Variants in SMIM36 observed in about 807,000 individuals in gnomAD.
SMIM36 encodes small integral membrane protein 36.
intron 4 of SMIM36, among the ~76,000 whole-genome samples, chr17:55,453,439 T>C (rs189327302): frequency 1.6e-4 from 24 of 152,326 alleles, no homozygotes; most frequent in East Asian, 1.9e-4. Context: ...AATCATCCCA[T>C]AGGTTTCTTG....
chr17:55,492,949 C>G (rs1270427924), intron 1 of SMIM36, among the ~76,000 whole-genome samples: 1 of 152,190 alleles, frequency 6.6e-6, no homozygotes, highest in Admixed American at 6.5e-5. Context: ...TACGTTCTTT[C>G]TAAAGAGTGC....
rs1489171887 is a variant in SMIM36, at chr17:55,501,149, T to TTTATA, written c.*174+9725_*174+9729dup. Among the ~76,000 whole-genome samples the TTTATA allele has an allele frequency of 3.1e-4, 8 of 26,160 alleles. 1 individual carries two copies. Among genetic ancestry groups the TTTATA allele is most frequent in the Non-Finnish European group, 7.4e-4 (6 of 8,162 alleles). The allele number at this position is 26,160 out of a possible 152,430, so 17.2% of individuals were successfully genotyped here. On this transcript the variant is annotated intron_variant, in intron 1 of 4. Coordinates refer to ENST00000636752, the Ensembl canonical transcript of SMIM36. Reference sequence around the variant, plus strand: ...TTATAATATATAATATATCTTATATTTTATAATATATAATATATCTTATAT... The same window carrying TTTATA: ...TTATAATATATAATATATCTTATATTTTATATTATAATATATAATATATCTTATAT...
the SMIM36 span, among the ~76,000 whole-genome samples, chr17:55,529,039 A>T: frequency 1.3e-5 from 2 of 151,984 alleles, no homozygotes; most frequent in Admixed American, 6.6e-5. Context: ...TATATTAGTG[A>T]CCTCATATTT....
chr17:55,460,685 T>C (rs1389243709), intron 4 of SMIM36, among the ~76,000 whole-genome samples: 1 of 151,820 alleles, frequency 6.6e-6, no homozygotes, highest in African/African-American at 2.4e-5. Context: ...GTGAAACCCA[T>C]CTCTACTAAA....
the SMIM36 span, among the ~76,000 whole-genome samples, chr17:55,518,903 T>C: frequency 6.6e-6 from 1 of 152,008 alleles, no homozygotes; most frequent in East Asian, 1.9e-4. Flanking sequence ...GTAGGGACAA[T>C]GCTTCCATTT....
At chr17:55,455,722 G>C (rs967638248) in intron 4 of SMIM36, among the ~76,000 whole-genome samples, 2 of 152,236 alleles carry the variant, frequency 1.3e-5, no homozygotes, top group South Asian at 2.1e-4. Context: ...GAATTCGGGA[G>C]GTTCGGGCTG....
chr17:55,490,866 G>C (rs1462033692), intron 1 of SMIM36, among the ~76,000 whole-genome samples: 1 of 147,388 alleles, frequency 6.8e-6, no homozygotes, highest in South Asian at 2.3e-4. Context: ...GTGGGTAATG[G>C]GATTATGGGT....
chr17:55,511,342 C>G (rs1910179379), exon 1 of SMIM36: 1 of 398,410 alleles, frequency 2.5e-6, no homozygotes, highest in South Asian at 1.3e-4. Context: ...CATCACTTCT[C>G]CCACGGTGGA....
chr17:55,513,079 A>G (rs909115560), upstream of SMIM36, among the ~76,000 whole-genome samples: 3 of 152,204 alleles, frequency 2.0e-5, no homozygotes, highest in African/African-American at 2.4e-5. Flanking sequence ...AACACCATAG[A>G]TTTAGGGTCA....
At chr17:55,483,113 T>C (rs1909546681) in intron 1 of SMIM36, among the ~76,000 whole-genome samples, 1 of 152,260 alleles carries the variant, frequency 6.6e-6, no homozygotes, top group Non-Finnish European at 1.5e-5. Flanking sequence ...TGAACTAATG[T>C]GAGTTCCTCA....
At chr17:55,496,414 C>A (rs913120899) in intron 1 of SMIM36, among the ~76,000 whole-genome samples, 2 of 152,070 alleles carry the variant, frequency 1.3e-5, no homozygotes, top group Non-Finnish European at 2.9e-5. Flanking sequence ...AAAAAATATG[C>A]GCAGACAACT....
intron 1 of SMIM36, among the ~76,000 whole-genome samples, chr17:55,484,569 C>CA (rs1200623705): frequency 6.6e-6 from 1 of 152,152 alleles, no homozygotes; most frequent in Admixed American, 6.6e-5. Context: ...ATATTTGCAG[C>CA]AAACAGAACC....
intron 4 of SMIM36, among the ~76,000 whole-genome samples, chr17:55,455,981 G>A (rs1008939604): frequency 2.6e-5 from 4 of 151,420 alleles, no homozygotes; most frequent in Non-Finnish European, 5.9e-5. Context: ...AGCTGAGTGT[G>A]GTAGGACGCA....
the SMIM36 span, among the ~76,000 whole-genome samples, chr17:55,523,403 AC>A: frequency 6.6e-6 from 1 of 151,864 alleles, no homozygotes; most frequent in Non-Finnish European, 1.5e-5. Flanking sequence ...GGTGGCACGC[AC>A]CTGTAGTCCC....
At chr17:55,464,497 TA>T (rs76557608) in intron 4 of SMIM36, among the ~76,000 whole-genome samples, 2,052 of 144,552 alleles carry the variant, frequency 0.014, 23 homozygotes, top group Non-Finnish European at 0.017. Flanking sequence ...AAAACAAAAT[TA>T]AAAAAAAAAA....
intron 4 of SMIM36, among the ~76,000 whole-genome samples, chr17:55,460,441 A>AAAAAC (rs1438320967): frequency 1.7e-4 from 14 of 84,266 alleles, no homozygotes; most frequent in African/African-American, 6.8e-4. Flanking sequence ...AACAAAAAAC[A>AAAAAC]AAAAACAAAA....
At position 55,496,250 on chromosome 17, in the gene SMIM36, A is replaced by C. The variant is rs117154293; in HGVS notation, c.*174+14629T>G. 1.0e-3 allele frequency among the ~76,000 whole-genome samples: 159 copies of C among 152,154 alleles called. 5 individuals are homozygous for C. The East Asian group carries it at 0.025, about 24-fold the overall frequency. ...CTCCAAGCCAAGTCCTTTTCTTCCT[A>C]GTGTCTCCTGAGCTTTGTATTGTAC... On this transcript the variant is annotated intron_variant, in intron 1 of 4. Coordinates refer to ENST00000636752, the Ensembl canonical transcript of SMIM36.
intron 4 of SMIM36, among the ~76,000 whole-genome samples, chr17:55,452,102 CAAAAAAAA>C (rs1156887430): frequency 1.9e-5 from 1 of 51,766 alleles, no homozygotes; most frequent in Non-Finnish European, 3.4e-5. Context: ...TCAATCTCTA[CAAAAAAAA>C]AAAAAAAAAA....
At chr17:55,482,274 T>C (rs1909533623) in intron 1 of SMIM36, among the ~76,000 whole-genome samples, 1 of 152,134 alleles carries the variant, frequency 6.6e-6, no homozygotes, top group African/African-American at 2.4e-5. Context: ...CCTTCAATTA[T>C]CTTATACTCC....
Sources: allele counts gnomAD v4.1 joint callset (sites outside exome capture counted in the v4.1 genomes callset), GRCh38; gene constraint gnomAD v4.1.1; transcripts MANE v1.5; gene names NCBI Gene and HGNC (gene_info 2026-07-23, HGNC 2026-07-21).